Variants in ZNF638 observed in about 807,000 individuals in gnomAD.
The protein encoded by ZNF638 is zinc finger protein 638, also known as CTCL tumor antigen se33-1.
In ZNF638, 46 loss-of-function variants were observed where a neutral mutation model predicts 195.6. That is an observed-to-expected ratio of 0.24 (90% CI 0.19 to 0.30). The LOEUF is 0.30. Ranked by LOEUF, ZNF638 falls within the 10% of genes least tolerant of loss-of-function variation. The pLI is 1.00. For missense variants in ZNF638, 2,440 were observed against 2,325.3 expected, an observed-to-expected ratio of 1.05 and a Z score of -1.01; for synonymous variants, 845 against 772.0, an observed-to-expected ratio of 1.09 and a Z score of -1.57.
At chr2:71,422,473 G>T (rs1326076007) in intron 21 of ZNF638, among the ~76,000 whole-genome samples, 2 of 152,066 alleles carry the variant, frequency 1.3e-5, no homozygotes, top group African/African-American at 4.8e-5. Context: ...ACCACTGTTG[G>T]GAATAGGACC....
intron 10 of ZNF638, 123 bp from the exon 11 acceptor site, chr2:71,396,018 A>G (rs2079886051): frequency 3.7e-6 from 3 of 807,478 alleles, no homozygotes; most frequent in Admixed American, 5.2e-5. Flanking sequence ...ATGGACATAC[A>G]AAGATGAGTA....
intron 26 of ZNF638, among the ~76,000 whole-genome samples, chr2:71,431,868 A>G (rs1421028869): frequency 6.6e-6 from 1 of 152,048 alleles, no homozygotes; most frequent in Non-Finnish European, 1.5e-5. Flanking sequence ...TGCATGTTTT[A>G]CACAGTGGCA....
Position 71,423,635 on chromosome 2 carries a change from A to G in ZNF638, c.4121A>G (p.Asp1374Gly), listed in dbSNP as rs1475379579. The part of the protein sequence containing the change: ...NKGVGQANKP[D>G]ETSKTSILAV... ...GGAGTGGGTCAGGCTAATAAGCCTG[A>G]TGAAACTAGTAAAACTAGTATTCTG... is the stretch of plus-strand genomic sequence containing the variant. The change falls in exon 22 of 28, where the codon GAT (aspartate) becomes GGT (glycine). Residue 1374 changes from aspartate (D) to glycine (G), a missense_variant. By Grantham distance (94) the Asp-to-Gly change is moderately conservative. Transcript: ENST00000264447. 1 of 1,613,880 alleles carries G rather than the reference A, an allele frequency of 6.2e-7. No homozygotes were observed. Among genetic ancestry groups the G allele is most frequent in the South Asian group, 1.1e-5 (1 of 91,080 alleles).
At chr2:71,403,789 AGTTT>A in intron 16 of ZNF638, 77 bp from the exon 17 acceptor site, 3 of 978,384 alleles carry the variant, frequency 3.1e-6, no homozygotes, top group Non-Finnish European at 4.5e-6. Flanking sequence ...CGTTTGAAGT[AGTTT>A]GTTTATACTT....
intron 21 of ZNF638, among the ~76,000 whole-genome samples, chr2:71,419,770 TTTCATTTTAC>T (rs2080385785): frequency 6.6e-6 from 1 of 152,154 alleles, no homozygotes; most frequent in Non-Finnish European, 1.5e-5. Flanking sequence ...ACCCATTTTA[TTTCATTTTAC>T]AAAGATTTTT....
intron 2 of ZNF638, among the ~76,000 whole-genome samples, chr2:71,351,469 C>A (rs1336770518): frequency 6.6e-6 from 1 of 152,134 alleles, no homozygotes. Context: ...ATTCATATCA[C>A]CTAATTGTAA....
chr2:71,378,296 A>T (rs1365963824), intron 8 of ZNF638, among the ~76,000 whole-genome samples: 1 of 152,230 alleles, frequency 6.6e-6, no homozygotes, highest in Admixed American at 6.5e-5. Flanking sequence ...AGTAGTTTCA[A>T]ATTTCTTTTA....
intron 19 of ZNF638, among the ~76,000 whole-genome samples, chr2:71,406,662 A>G (rs905869617): frequency 1.3e-5 from 2 of 152,188 alleles, no homozygotes; most frequent in African/African-American, 2.4e-5. Context: ...CCAGCTATGA[A>G]ACACCTGAGT....
In ZNF638 at chr2:71,365,674, G is replaced by A. The variant is rs1428233122; in HGVS notation, c.1963G>A (p.Val655Met). The A allele has an allele frequency of 2.5e-6, 4 of 1,613,438 alleles. No homozygotes were observed. The highest frequency in any genetic ancestry group is 2.7e-5 in the African/African-American group (2 of 75,030). ...EDDTLSECKQ[V>M]SDKAVSLQRK... is the part of the protein sequence containing the mutation. The stretch of plus-strand genomic sequence containing the variant: ...TGACACTTTGTCAGAATGTAAACAG[G>A]TGTCTGATAAAGCTGTTTCTCTCCA... Residue 655 changes from valine to methionine, a missense_variant, in exon 6 of 28, where the codon GTG (valine) becomes ATG (methionine). Physicochemically the swap from Val to Met is conservative, Grantham distance 21. Transcript: ENST00000264447.
At chr2:71,382,622 C>T (rs1302647706) in intron 10 of ZNF638, among the ~76,000 whole-genome samples, 1 of 152,142 alleles carries the variant, frequency 6.6e-6, no homozygotes, top group Non-Finnish European at 1.5e-5. Context: ...ATTATATGCC[C>T]ATGATAGGGG....
At chr2:71,346,738 T>A (rs2078856253) in intron 1 of ZNF638, among the ~76,000 whole-genome samples, 1 of 152,066 alleles carries the variant, frequency 6.6e-6, no homozygotes, top group South Asian at 2.1e-4. Context: ...AAATAAAGGT[T>A]ATTGAATGCC....
rs1467580988 is a variant in ZNF638, at chr2:71,355,704, C to G, written c.1318-15C>G. Reference sequence around the variant, plus strand: ...GGAATATTCTAATTTCAACACTTTTCTCCTTTTACAATAGGATTGGATTCA... The same window carrying G: ...GGAATATTCTAATTTCAACACTTTTGTCCTTTTACAATAGGATTGGATTCA... On this transcript the variant is annotated splice_polypyrimidine_tract_variant and intron_variant, in intron 2 of 27. Transcript: ENST00000264447. The G allele has an allele frequency of 1.3e-6, 2 of 1,551,006 alleles. No homozygotes were observed. Among genetic ancestry groups the G allele is most frequent in the East Asian group, 2.3e-5 (1 of 43,114 alleles).
chr2:71,358,465 A>G (rs1359096945), intron 3 of ZNF638, among the ~76,000 whole-genome samples: 1 of 152,184 alleles, frequency 6.6e-6, no homozygotes, highest in Non-Finnish European at 1.5e-5. Flanking sequence ...GAAAATGAAC[A>G]GTGTGTGTAT....
chr2:71,384,415 T>A (rs2079596406), intron 10 of ZNF638, among the ~76,000 whole-genome samples: 1 of 152,228 alleles, frequency 6.6e-6, no homozygotes, highest in African/African-American at 2.4e-5. Context: ...CCAGATTATC[T>A]TTTGAACCTA....
intron 8 of ZNF638, among the ~76,000 whole-genome samples, chr2:71,378,689 CTTG>C (rs768893889): frequency 6.6e-6 from 1 of 152,126 alleles, no homozygotes; most frequent in Non-Finnish European, 1.5e-5. Flanking sequence ...TAGAAGTACT[CTTG>C]TTGGGGAATG....
Position 71,418,038 on chromosome 2 carries a change from G to C in ZNF638, c.3262-564G>C, listed in dbSNP as rs185564839. Among the ~76,000 whole-genome samples the C allele has an allele frequency of 4.1e-4, 62 of 152,210 alleles. 2 individuals are homozygous for C. In the East Asian group the frequency reaches 0.011, roughly 27 times the overall value. On this transcript the variant is annotated intron_variant, in intron 20 of 27. Transcript: ENST00000264447. Reference sequence around the variant, plus strand: ...TTCACTGATGCATCCCAAGTACCCAGGACAGTGCTTGCCATATAGGGACTG... The same window carrying C: ...TTCACTGATGCATCCCAAGTACCCACGACAGTGCTTGCCATATAGGGACTG...
chr2:71,408,172 T>C lies in ZNF638; in HGVS notation c.3186T>C (p.Phe1062=). The C allele has an allele frequency of 2.5e-6, 4 of 1,613,472 alleles. No individual in the cohort carries two copies. Among genetic ancestry groups the C allele is most frequent in the Non-Finnish European group, 3.4e-6 (4 of 1,179,600 alleles). ...SPESAQSMYS[F]LKQNPQNIGD... ...AATCTGCTCAGTCAATGTATAGCTT[T>C]CTGAAACAAAATCCACAAAATATTG... Residue 1062 remains phenylalanine, a synonymous_variant, in exon 20 of 28, where the codon TTT becomes TTC. Transcript: ENST00000264447.
intron 1 of ZNF638, among the ~76,000 whole-genome samples, chr2:71,342,023 T>G (rs547639418): frequency 6.6e-6 from 1 of 152,080 alleles, no homozygotes; most frequent in Admixed American, 6.5e-5. Flanking sequence ...TTTTACAAAT[T>G]AATATTTTCC....
intron 8 of ZNF638, among the ~76,000 whole-genome samples, chr2:71,379,109 C>T (rs1344419687): frequency 2.0e-5 from 3 of 152,066 alleles, no homozygotes; most frequent in East Asian, 1.9e-4. Context: ...GAGACCATTA[C>T]GAGGCGATTG....
Sources: allele counts gnomAD v4.1 joint callset (sites outside exome capture counted in the v4.1 genomes callset), GRCh38; gene constraint gnomAD v4.1.1; transcripts MANE v1.5; gene names NCBI Gene and HGNC (gene_info 2026-07-23, HGNC 2026-07-21).